ASTN1: variants seen among roughly 807,000 people sequenced by gnomAD.
The protein encoded by ASTN1 is astrotactin 1.
Under a neutral mutation model 140.7 loss-of-function variants are expected in ASTN1, and 41 were observed. That is an observed-to-expected ratio of 0.29 (90% CI 0.23 to 0.38). The LOEUF (loss-of-function observed/expected upper bound fraction) is 0.38, where lower values mean the gene tolerates loss of function less well. Among genes scored for constraint, ASTN1 ranks in the 10% least tolerant of loss-of-function variants. The pLI is 1.00. For missense variants in ASTN1, 1,479 were observed against 1,678.8 expected (o/e 0.88, Z 2.08); for synonymous variants, 640 against 652.2 (o/e 0.98, Z 0.29).
intron 1 of ASTN1, among the ~76,000 whole-genome samples, chr1:177,111,462 G>A (rs187586435): frequency 4.6e-5 from 7 of 152,224 alleles, no homozygotes; most frequent in Admixed American, 4.6e-4. Context: ...TTTCTAACAA[G>A]CTCCCAGGTG....
chr1:177,093,336 G>C (rs1679861010), intron 1 of ASTN1, among the ~76,000 whole-genome samples: 1 of 152,126 alleles, frequency 6.6e-6, no homozygotes, highest in African/African-American at 2.4e-5. Context: ...TCAGTGTCAG[G>C]ACACTGTACG....
intron 2 of ASTN1, among the ~76,000 whole-genome samples, chr1:177,035,856 G>C (rs1443982660): frequency 1.3e-5 from 2 of 152,064 alleles, no homozygotes; most frequent in East Asian, 3.9e-4. Flanking sequence ...CATGTGTGGA[G>C]CCTAGACACT....
chr1:177,091,825 T>C (rs944978643), intron 1 of ASTN1, among the ~76,000 whole-genome samples: 1 of 152,190 alleles, frequency 6.6e-6, no homozygotes, highest in Non-Finnish European at 1.5e-5. Context: ...CTTAGCACAG[T>C]GTTTTTATGA....
intron 8 of ASTN1, among the ~76,000 whole-genome samples, chr1:176,994,110 CG>C (rs1674324459): frequency 6.6e-6 from 1 of 151,704 alleles, no homozygotes; most frequent in Admixed American, 6.6e-5. Context: ...CCACCCCCCC[CG>C]CCACCCACCA....
intron 7 of ASTN1, among the ~76,000 whole-genome samples, chr1:177,022,777 G>C (rs1196766122): frequency 6.6e-6 from 1 of 152,182 alleles, no homozygotes; most frequent in Admixed American, 6.5e-5. Context: ...ATAGGGGACT[G>C]TTTAAATGAG....
At chr1:176,960,682 C>T (rs902721586) in intron 9 of ASTN1, among the ~76,000 whole-genome samples, 6 of 152,214 alleles carry the variant, frequency 3.9e-5, no homozygotes, top group Non-Finnish European at 7.3e-5. Context: ...ATGGCTTCTT[C>T]TGCTTCTTTT....
At chr1:177,089,819 A>G (rs1679656448) in intron 1 of ASTN1, among the ~76,000 whole-genome samples, 1 of 152,182 alleles carries the variant, frequency 6.6e-6, no homozygotes, top group African/African-American at 2.4e-5. Context: ...CAATAGAGAC[A>G]CGAAAATAGA....
intron 8 of ASTN1, among the ~76,000 whole-genome samples, chr1:176,983,342 C>A (rs941850480): frequency 6.6e-6 from 1 of 152,080 alleles, no homozygotes; most frequent in Non-Finnish European, 1.5e-5. Flanking sequence ...GCAGCCACAG[C>A]CTCCCCCTGA....
At chr1:176,879,388 C>T (rs1197629734) in intron 20 of ASTN1, among the ~76,000 whole-genome samples, 1 of 152,182 alleles carries the variant, frequency 6.6e-6, no homozygotes, top group African/African-American at 2.4e-5. Context: ...CATGATGCTG[C>T]CTGCAATATG....
chr1:177,071,399 T>C (rs1160733691), intron 1 of ASTN1, among the ~76,000 whole-genome samples: 2 of 152,206 alleles, frequency 1.3e-5, no homozygotes, highest in Non-Finnish European at 2.9e-5. Context: ...ATGGATGCAA[T>C]ATTAAAATAA....
intron 1 of ASTN1, among the ~76,000 whole-genome samples, chr1:177,073,142 C>A (rs1678725171): frequency 6.6e-6 from 1 of 152,156 alleles, no homozygotes; most frequent in Non-Finnish European, 1.5e-5. Flanking sequence ...GCTTCTCCAT[C>A]TACTCCTCAT....
At chr1:177,120,555 G>A (rs1681333720) in intron 1 of ASTN1, among the ~76,000 whole-genome samples, 1 of 152,130 alleles carries the variant, frequency 6.6e-6, no homozygotes, top group African/African-American at 2.4e-5. Flanking sequence ...CCAGCTTCTG[G>A]GTTTCTTTTC....
chr1:177,073,796 A>C (rs1678760916), intron 1 of ASTN1, among the ~76,000 whole-genome samples: 1 of 151,732 alleles, frequency 6.6e-6, no homozygotes, highest in South Asian at 2.1e-4. Flanking sequence ...TTTATGCCTC[A>C]GTTTCCCTAT....
chr1:177,127,479 G>A lies in ASTN1; in HGVS notation c.283+36915C>T, dbSNP rs143473358. ...CCCATGCCTTCTCCATAACTGAGCA[G>A]CTACCATACACCTCACCCACCACGT... On this transcript the variant is annotated intron_variant, in intron 1 of 22. Coordinates refer to ENST00000361833, the MANE Select transcript of ASTN1 (RefSeq NM_004319.3). Among the ~76,000 whole-genome samples, 41 of 152,240 alleles carry A rather than the reference G, an allele frequency of 2.7e-4. 1 individual carries two copies. The East Asian group carries it at 7.9e-3, about 29-fold the overall frequency.
At chr1:177,043,846 G>C (rs1558054084) in intron 2 of ASTN1, among the ~76,000 whole-genome samples, 1 of 152,132 alleles carries the variant, frequency 6.6e-6, no homozygotes, top group Non-Finnish European at 1.5e-5. Context: ...ATCATACAGG[G>C]GAAGGAGGAG....
chr1:177,087,022 G>T (rs1293513720), intron 1 of ASTN1, among the ~76,000 whole-genome samples: 2 of 151,820 alleles, frequency 1.3e-5, no homozygotes, highest in East Asian at 3.9e-4. Context: ...TTTTTTTTTA[G>T]AATTTTTTCT....
chr1:177,147,674 C>G (rs551756502), intron 1 of ASTN1, among the ~76,000 whole-genome samples: 46 of 152,284 alleles, frequency 3.0e-4, no homozygotes, highest in African/African-American at 1.1e-3. Context: ...AACTTTGAGG[C>G]TGTCACTTCA....
At chr1:176,945,617 G>A (rs1253512635) in intron 13 of ASTN1, among the ~76,000 whole-genome samples, 1 of 152,176 alleles carries the variant, frequency 6.6e-6, no homozygotes, top group Non-Finnish European at 1.5e-5. Context: ...ACACACTGAT[G>A]CTTCCATTCA....
At chr1:176,882,651 G>T (rs1668853177) in intron 20 of ASTN1, among the ~76,000 whole-genome samples, 1 of 151,908 alleles carries the variant, frequency 6.6e-6, no homozygotes, top group African/African-American at 2.4e-5. Context: ...AACTCCTCAA[G>T]GGACAGGACC....
Sources: gnomAD v4.1 joint callset for allele counts (sites outside exome capture counted in the v4.1 genomes callset) on GRCh38, gnomAD v4.1.1 for gene constraint, MANE v1.5 for transcripts, NCBI Gene and HGNC (gene_info 2026-07-23, HGNC 2026-07-21) for gene names.